SORCS3: variants seen among roughly 807,000 people sequenced by gnomAD.
SORCS3 encodes the protein sortilin related VPS10 domain containing receptor 3, also known as VPS10 domain-containing receptor SorCS3.
In SORCS3, 57 loss-of-function variants were observed where a neutral mutation model predicts 146.3. The ratio of observed to expected loss-of-function variants is 0.39; its 90% CI spans 0.31 to 0.49. The LOEUF (loss-of-function observed/expected upper bound fraction) is 0.49. Ranked by LOEUF, SORCS3 falls within the 20% of genes least tolerant of loss-of-function variation. The pLI is 0.92. For missense variants in SORCS3, 1,341 were observed against 1,575.5 expected, an observed-to-expected ratio of 0.85 and a Z score of 2.52; for synonymous variants, 653 against 618.5, an observed-to-expected ratio of 1.06 and a Z score of -0.83.
intron 11 of SORCS3, 100 bp from the exon 12 acceptor site, chr10:105,164,203 C>A (rs2056292502): frequency 1.2e-6 from 1 of 846,552 alleles, no homozygotes; most frequent in Non-Finnish European, 2.0e-6. Flanking sequence ...CTGTAAATAT[C>A]ACTTAGAAAA....
intron 2 of SORCS3, among the ~76,000 whole-genome samples, chr10:104,848,197 A>G (rs1473350675): frequency 1.3e-5 from 2 of 151,970 alleles, no homozygotes; most frequent in Admixed American, 6.6e-5. Context: ...GTCCCTTTCC[A>G]TGTATTGAGT....
At chr10:104,974,390 G>T (rs570250353) in intron 3 of SORCS3, among the ~76,000 whole-genome samples, 93 of 152,250 alleles carry the variant, frequency 6.1e-4, no homozygotes, top group African/African-American at 2.0e-3. Context: ...TGTATTGGGT[G>T]CATGTATATT....
rs774814095 is a variant in SORCS3, at chr10:105,178,182, T to G, written c.2009+9T>G. The G allele has an allele frequency of 6.3e-7, 1 of 1,597,116 alleles. No homozygotes were observed. The highest frequency in any genetic ancestry group is 1.1e-5 in the South Asian group (1 of 89,772). ...GAGACCCACATCATGACGTGAGTAC[T>G]TCTTTTGCTGTGACAGGAAGAAGAC... On this transcript the variant is annotated intron_variant, in intron 14 of 26. Transcript: ENST00000369701.
chr10:104,809,968 T>C (rs916951742), intron 1 of SORCS3, among the ~76,000 whole-genome samples: 1 of 152,178 alleles, frequency 6.6e-6, no homozygotes, highest in Non-Finnish European at 1.5e-5. Flanking sequence ...CCCCCTGGGA[T>C]AGGGGCTGCT....
chr10:104,994,918 G>A (rs1353083878), intron 4 of SORCS3, among the ~76,000 whole-genome samples: 4 of 152,158 alleles, frequency 2.6e-5, no homozygotes, highest in Non-Finnish European at 4.4e-5. Context: ...GTGTGTTTAT[G>A]AACATTTCTC....
At chr10:104,767,184 G>A (rs1434258253) in intron 1 of SORCS3, among the ~76,000 whole-genome samples, 1 of 152,172 alleles carries the variant, frequency 6.6e-6, no homozygotes, top group Non-Finnish European at 1.5e-5. Context: ...TAAGCCCTCT[G>A]AGAGCTGATT....
chr10:104,820,852 A>G (rs1009765023), intron 1 of SORCS3, among the ~76,000 whole-genome samples: 5 of 152,202 alleles, frequency 3.3e-5, no homozygotes, highest in African/African-American at 1.2e-4. Context: ...ATATAAAAGA[A>G]GGAGCAACAG....
intron 20 of SORCS3, among the ~76,000 whole-genome samples, chr10:105,243,174 GATA>G (rs1195947798): frequency 4.3e-4 from 64 of 150,148 alleles, no homozygotes; most frequent in African/African-American, 1.6e-3. Context: ...TTTTGTGTCA[GATA>G]AGACCTGATG....
At chr10:104,846,348 G>A (rs76105184) in intron 2 of SORCS3, among the ~76,000 whole-genome samples, 6,451 of 152,238 alleles carry the variant, frequency 0.042, 188 homozygotes, top group Middle Eastern at 0.071. Flanking sequence ...GCCTAGAGCC[G>A]TATGATTTCC....
intron 3 of SORCS3, among the ~76,000 whole-genome samples, chr10:104,954,867 C>T (rs1459924848): frequency 6.6e-6 from 1 of 152,124 alleles, no homozygotes; most frequent in East Asian, 1.9e-4. Context: ...GTACTTACTG[C>T]TATTTTTTAC....
chr10:105,043,191 T>C (rs1433947539), intron 5 of SORCS3, 63 bp downstream of exon 5: 5 of 1,415,694 alleles, frequency 3.5e-6, no homozygotes, highest in Non-Finnish European at 5.0e-6. Context: ...CGTAGCACTC[T>C]AGACAGCTCT....
chr10:105,110,730 G>GCAT (rs1396698738), intron 7 of SORCS3, among the ~76,000 whole-genome samples: 1 of 152,086 alleles, frequency 6.6e-6, no homozygotes, highest in Non-Finnish European at 1.5e-5. Flanking sequence ...GATAGAGTTT[G>GCAT]CATTTCCCTT....
intron 2 of SORCS3, among the ~76,000 whole-genome samples, chr10:104,892,681 C>G (rs2018760527): frequency 6.6e-6 from 1 of 152,044 alleles, no homozygotes; most frequent in Non-Finnish European, 1.5e-5. Context: ...GAGATCGTGC[C>G]ACTGCACTCC....
rs2451481 is a variant in SORCS3, at chr10:104,835,543, C to T, written c.628-7249C>T. ...ACAGGCATTAAAGGTCCTCACTTCACTGAATGTGCTCACAGGCCAGAGCGT... is the reference window on the plus strand; with the variant it reads ...ACAGGCATTAAAGGTCCTCACTTCATTGAATGTGCTCACAGGCCAGAGCGT... On this transcript the variant is annotated intron_variant, in intron 1 of 26. Transcript: ENST00000369701. Among the ~76,000 whole-genome samples, 1,020 of 152,286 alleles carry T rather than the reference C, an allele frequency of 6.7e-3. 10 individuals carry two copies. Among genetic ancestry groups the T allele is most frequent in the African/African-American group, 0.023 (959 of 41,550 alleles).
intron 17 of SORCS3, 128 bp from the exon 18 acceptor site, chr10:105,214,314 G>A (rs1418561538): frequency 4.2e-6 from 4 of 951,364 alleles, no homozygotes; most frequent in Admixed American, 2.2e-5. Flanking sequence ...GTTTCCAGGG[G>A]CCGCTGTGTG....
At chr10:105,231,368 C>T (rs1316537485) in intron 20 of SORCS3, among the ~76,000 whole-genome samples, 2 of 152,156 alleles carry the variant, frequency 1.3e-5, no homozygotes, top group African/African-American at 4.8e-5. Flanking sequence ...AACCTTGTAT[C>T]CTGTAACCTT....
chr10:104,976,933 T>G (rs2054901782), intron 3 of SORCS3, among the ~76,000 whole-genome samples: 1 of 152,010 alleles, frequency 6.6e-6, no homozygotes, highest in Admixed American at 6.6e-5. Flanking sequence ...GTGGGAGGGA[T>G]AGCATTAGGA....
At chr10:105,076,150 A>G (rs748896679) in intron 5 of SORCS3, among the ~76,000 whole-genome samples, 5 of 152,148 alleles carry the variant, frequency 3.3e-5, no homozygotes, top group Non-Finnish European at 5.9e-5. Flanking sequence ...TTTGATTGTT[A>G]TATCAATTTG....
At chr10:104,642,022 G>GGGGGGGGGGGGGGGGGGCGCCC in intron 1 of SORCS3, 68 bp downstream of exon 1, 1 of 173,336 alleles carries the variant, frequency 5.8e-6, no homozygotes, top group Non-Finnish European at 1.1e-5. Flanking sequence ...GGGTGGGTGG[G>GGGGGGGGGGGGGGGGGGCGCCC]AGCGAGGGAC....
Sources: gnomAD v4.1 joint callset for allele counts (sites outside exome capture counted in the v4.1 genomes callset) on GRCh38, gnomAD v4.1.1 for gene constraint, MANE v1.5 for transcripts, NCBI Gene and HGNC (gene_info 2026-07-23, HGNC 2026-07-21) for gene names.